PREPL: variants seen among roughly 807,000 people sequenced by gnomAD.
PREPL encodes prolyl endopeptidase like.
PREPL carries 77 observed loss-of-function variants against 70.6 expected under a neutral mutation model. The ratio of observed to expected loss-of-function variants is 1.09; its 90% CI spans 0.91 to 1.32. The LOEUF (loss-of-function observed/expected upper bound fraction) is 1.32. Among genes scored for constraint, PREPL ranks in the 40% most tolerant of loss-of-function variants. PREPL has a pLI of 0.00. For missense variants in PREPL, 1,002 were observed against 778.2 expected (o/e 1.29, Z -3.42); for synonymous variants, 315 against 264.8 (o/e 1.19, Z -1.84).
intron 6 of PREPL, among the ~76,000 whole-genome samples, 156 bp from the exon 7 acceptor site, chr2:44,338,692 A>G (rs1674894562): frequency 6.6e-6 from 1 of 152,152 alleles, no homozygotes; most frequent in African/African-American, 2.4e-5. Flanking sequence ...TGTGACCATC[A>G]ACCATATGAA....
intron 5 of PREPL, among the ~76,000 whole-genome samples, chr2:44,341,428 T>C (rs1400801419): frequency 2.0e-5 from 3 of 152,242 alleles, no homozygotes; most frequent in South Asian, 2.1e-4. Context: ...TAATATATAA[T>C]TGTAGGGCAA....
chr2:44,324,884 G>A (rs1673338385), intron 10 of PREPL, among the ~76,000 whole-genome samples: 1 of 151,768 alleles, frequency 6.6e-6, no homozygotes. Flanking sequence ...GCAAAACTCT[G>A]ACTCAAAAAA....
intron 8 of PREPL, among the ~76,000 whole-genome samples, chr2:44,330,191 C>A (rs185139808): frequency 6.4e-4 from 97 of 152,312 alleles, no homozygotes; most frequent in Non-Finnish European, 7.5e-4. Flanking sequence ...TCTTCCCCAA[C>A]TTCAATTATA....
At chr2:44,353,157 A>G (rs1261044167) in intron 1 of PREPL, among the ~76,000 whole-genome samples, 1 of 152,216 alleles carries the variant, frequency 6.6e-6, no homozygotes, top group Non-Finnish European at 1.5e-5. Flanking sequence ...CAAGATATTA[A>G]AAAAGAAAGG....
intron 1 of PREPL, among the ~76,000 whole-genome samples, chr2:44,357,676 A>G (rs759337798): frequency 5.3e-5 from 8 of 152,236 alleles, no homozygotes; most frequent in Non-Finnish European, 7.3e-5. Flanking sequence ...ATGTGAGCTA[A>G]TATCACAGCT....
intron 8 of PREPL, among the ~76,000 whole-genome samples, chr2:44,329,772 A>AAC (rs1308351461): frequency 6.6e-6 from 1 of 152,218 alleles, no homozygotes; most frequent in African/African-American, 2.4e-5. Context: ...TAGGTTATGT[A>AAC]ACCATCCCCC....
intron 10 of PREPL, among the ~76,000 whole-genome samples, 168 bp downstream of exon 10, chr2:44,326,544 C>T (rs946034822): frequency 6.6e-6 from 1 of 151,276 alleles, no homozygotes; most frequent in African/African-American, 2.4e-5. Flanking sequence ...CGCCATGTTG[C>T]CCAGGCTGGT....
At chr2:44,359,780 T>A in intron 1 of PREPL, 1 of 1,181,042 alleles carries the variant, frequency 8.5e-7, no homozygotes, top group Non-Finnish European at 1.2e-6. Flanking sequence ...TTTATAGGTA[T>A]GATTACAGAG....
chr2:44,359,067 CTTTTTTTT>C (rs35700374), intron 1 of PREPL, among the ~76,000 whole-genome samples: 3 of 94,494 alleles, frequency 3.2e-5, no homozygotes, highest in African/African-American at 8.2e-5. Context: ...TATGTATACA[CTTTTTTTT>C]TTTTTTTTTT....
rs559808215 is a variant in PREPL at position 44,330,966 on chromosome 2, A to C, written c.1086+1493T>G. On this transcript the variant is annotated intron_variant, in intron 8 of 13. Coordinates refer to ENST00000409411, the MANE Select transcript of PREPL (RefSeq NM_001171613.2). The stretch of plus-strand genomic sequence containing the variant: ...TTTATATTTGTTCTTTTTCTGAGAC[A>C]GGATCTTACTCTGTCACACAGGCTG... Among the ~76,000 whole-genome samples, 6 of 152,218 alleles carry C rather than the reference A, an allele frequency of 3.9e-5. No homozygotes were observed. In the East Asian group the frequency reaches 1.2e-3, roughly 29 times the overall value.
In PREPL at chr2:44,359,391, A is replaced by G. The variant is rs1677413623; in HGVS notation, c.-49+1989T>C. ...ACTTGAAAATTAGAAAAATCAAGTT[A>G]GAATTACTGAGAAAATTAGTAGCTC... On this transcript the variant is annotated intron_variant, in intron 1 of 13. Transcript: ENST00000409411. 4 of 909,258 alleles carry G rather than the reference A, an allele frequency of 4.4e-6. No homozygotes were observed. The East Asian group carries it at 1.0e-4, about 24-fold the overall frequency. 56.3% of individuals were successfully genotyped at this position (909,258 alleles called of 1,614,324 possible). A position where few individuals can be genotyped will look rare whatever the true frequency, so the allele number is the denominator to read the frequency against.
Position 44,335,769 on chromosome 2 carries a change from G to A in PREPL, c.888+2582C>T, listed in dbSNP as rs571710589. On this transcript the variant is annotated intron_variant, in intron 7 of 13. Coordinates refer to ENST00000409411, the MANE Select transcript of PREPL (RefSeq NM_001171613.2). ...TAAATAGACAACCTACAGAATGGGA[G>A]AAAATATTTACAAACTATGCATCTG... Among the ~76,000 whole-genome samples, 32 of 149,282 alleles carry A rather than the reference G, an allele frequency of 2.1e-4. No homozygotes were observed. In the South Asian group the frequency reaches 3.8e-3, roughly 18 times the overall value.
chr2:44,344,099 C>T lies in PREPL; in HGVS notation c.143-148G>A, dbSNP rs1162817991. 32 of 955,716 alleles carry T rather than the reference C, an allele frequency of 3.3e-5. 1 individual carries two copies. In the South Asian group the frequency reaches 5.3e-4, roughly 16 times the overall value. 59.2% of individuals were successfully genotyped at this position (955,716 alleles called of 1,614,324 possible). Reference sequence around the variant, plus strand: ...AACAATGATGGCAGCTTAACTTGCACATCAACTGACAATAAGTTATTTAAT... The same window carrying T: ...AACAATGATGGCAGCTTAACTTGCATATCAACTGACAATAAGTTATTTAAT... On this transcript the variant is annotated intron_variant, in intron 3 of 13. Transcript: ENST00000409411.
At chr2:44,338,918 G>T (rs779200661) in intron 6 of PREPL, among the ~76,000 whole-genome samples, 3 of 152,168 alleles carry the variant, frequency 2.0e-5, no homozygotes, top group Non-Finnish European at 4.4e-5. Flanking sequence ...TACTAAGTTT[G>T]ATTTTGTTAA....
chr2:44,339,751 T>C (rs1675011980), intron 5 of PREPL, among the ~76,000 whole-genome samples: 1 of 152,136 alleles, frequency 6.6e-6, no homozygotes, highest in South Asian at 2.1e-4. Flanking sequence ...CTCAATCACA[T>C]GAGTAGATAA....
chr2:44,355,033 C>G (rs1676868335), intron 1 of PREPL, among the ~76,000 whole-genome samples: 1 of 152,170 alleles, frequency 6.6e-6, no homozygotes, highest in Non-Finnish European at 1.5e-5. Context: ...GAACAACACT[C>G]TAATCAAATG....
chr2:44,352,778 G>C (rs1676588861), intron 1 of PREPL, among the ~76,000 whole-genome samples: 1 of 151,666 alleles, frequency 6.6e-6, no homozygotes, highest in Admixed American at 6.6e-5. Context: ...ATCACAAAGT[G>C]AAAAAAATAA....
At chr2:44,355,468 G>C (rs1228580963) in intron 1 of PREPL, among the ~76,000 whole-genome samples, 1 of 152,178 alleles carries the variant, frequency 6.6e-6, no homozygotes, top group Non-Finnish European at 1.5e-5. Context: ...AGAATCACTT[G>C]AGCCTGGGAG....
intron 4 of PREPL, 31 bp downstream of exon 4, chr2:44,343,714 A>G: frequency 6.3e-7 from 1 of 1,578,222 alleles, no homozygotes; most frequent in Non-Finnish European, 8.7e-7. Context: ...TTGCCTTTCA[A>G]CACAGAGGAC....
Sources: gnomAD v4.1 joint callset for allele counts (sites outside exome capture counted in the v4.1 genomes callset) on GRCh38, gnomAD v4.1.1 for gene constraint, MANE v1.5 for transcripts, NCBI Gene and HGNC (gene_info 2026-07-23, HGNC 2026-07-21) for gene names.